The following ITGA6 variants were observed in gnomAD, a reference collection of about 807,000 sequenced individuals.
ITGA6 encodes integrin subunit alpha 6, also known as integrin alpha-6.
Under a neutral mutation model 133.6 loss-of-function variants are expected in ITGA6, and 63 were observed. The observed-to-expected ratio is 0.47, with a 90% CI of 0.38 to 0.58. The LOEUF (loss-of-function observed/expected upper bound fraction) is 0.58, where lower values mean the gene tolerates loss of function less well. Ranked by LOEUF, ITGA6 falls within the 20% of genes least tolerant of loss-of-function variation. The pLI, the probability that ITGA6 is intolerant of heterozygous loss-of-function variation, is 0.00. For synonymous variants in ITGA6, 434 were observed against 482.0 expected (o/e 0.90, Z 1.30); for missense variants, 1,068 against 1,309.4 (o/e 0.82, Z 2.85).
chr2:172,462,299 C>A (rs1009643641), intron 1 of ITGA6, among the ~76,000 whole-genome samples: 3 of 152,174 alleles, frequency 2.0e-5, no homozygotes, highest in Non-Finnish European at 4.4e-5. Context: ...ACTCCTGCTT[C>A]CTCCATCCCC....
Position 172,498,135 on chromosome 2 carries a change from A to G in ITGA6, c.3114+35A>G, listed in dbSNP as rs763774624. The stretch of plus-strand genomic sequence containing the variant: ...ATCTGGCATTTGAATTTCATAACAA[A>G]CTTTATTTCATGTTTTAAAAAATGG... On this transcript the variant is annotated intron_variant, in intron 24 of 25. Coordinates refer to ENST00000684293, the MANE Select transcript of ITGA6 (RefSeq NM_000210.4). The G allele has an allele frequency of 2.5e-6, 4 of 1,595,626 alleles. No individual in the cohort carries two copies. The African/African-American group carries it at 4.0e-5, about 16-fold the overall frequency.
chr2:172,479,154 C>T (rs1051229051), intron 9 of ITGA6, among the ~76,000 whole-genome samples: 39 of 152,042 alleles, frequency 2.6e-4, no homozygotes, highest in African/African-American at 8.7e-4. Context: ...TACAGTGTAA[C>T]GCCATCAGGT....
intron 24 of ITGA6, among the ~76,000 whole-genome samples, chr2:172,498,303 A>G (rs1687213251): frequency 6.6e-6 from 1 of 152,222 alleles, no homozygotes; most frequent in Admixed American, 6.5e-5. Context: ...AAAGTATATT[A>G]TTTGTACACA....
chr2:172,443,585 A>T (rs974071537), intron 1 of ITGA6, among the ~76,000 whole-genome samples: 20 of 152,184 alleles, frequency 1.3e-4, no homozygotes, highest in Non-Finnish European at 2.2e-4. Flanking sequence ...AGTCTTTTCA[A>T]CAATCGAGTT....
In ITGA6 at chr2:172,460,127, A is replaced by G. The variant is rs546657820; in HGVS notation, c.183-5412A>G. ...TCTTTTGAGGCTGAGGGCTTCTGATACTGCTCCCAGACAGAAAAAGGAAAA... is the reference window on the plus strand; with the variant it reads ...TCTTTTGAGGCTGAGGGCTTCTGATGCTGCTCCCAGACAGAAAAAGGAAAA... On this transcript the variant is annotated intron_variant, in intron 1 of 25. Transcript: ENST00000684293. 1.6e-4 allele frequency among the ~76,000 whole-genome samples: 24 copies of G among 152,378 alleles called. No individual in the cohort carries two copies. In the South Asian group the frequency reaches 4.6e-3, roughly 29 times the overall value.
intron 1 of ITGA6, among the ~76,000 whole-genome samples, chr2:172,457,767 C>A (rs1365273226): frequency 3.3e-5 from 5 of 152,072 alleles, no homozygotes; most frequent in Non-Finnish European, 7.4e-5. Flanking sequence ...GGGGGGGAAG[C>A]TAGGCTGGGA....
At position 172,427,826 on chromosome 2, in the gene ITGA6, C is replaced by T. The variant is rs564206622; in HGVS notation, c.38C>T (p.Ser13Leu). 2.5e-6 allele frequency: 4 copies of T among 1,603,238 alleles called. No individual in the cohort carries two copies. The highest frequency in any genetic ancestry group is 1.1e-5 in the South Asian group (1 of 89,648). Reference protein sequence around the residue: ...AAGQLCLLYLSAGLLSRLGAA... With the variant: ...AAGQLCLLYLLAGLLSRLGAA... ...GGGCAGCTGTGCTTGCTCTACCTGT[C>T]GGCGGGGCTCCTGTCCCGGCTCGGC... The change falls in exon 1 of 26, where the codon TCG (serine) becomes TTG (leucine). Residue 13 changes from serine to leucine, a missense_variant. Ser to Leu is a moderately radical substitution (Grantham distance 145). Coordinates refer to ENST00000684293, the MANE Select transcript of ITGA6 (RefSeq NM_000210.4).
At chr2:172,428,065 A>T in intron 1 of ITGA6, 95 bp downstream of exon 1, 1 of 1,350,886 alleles carries the variant, frequency 7.4e-7, no homozygotes. Context: ...CCCGGGGAGT[A>T]GTTGGCCCGT....
In ITGA6 at chr2:172,461,334, C is replaced by T. The variant is rs551854110; in HGVS notation, c.183-4205C>T. Among the ~76,000 whole-genome samples, 10 of 152,236 alleles carry T rather than the reference C, an allele frequency of 6.6e-5. No homozygotes were observed. The South Asian group carries it at 1.5e-3, about 22-fold the overall frequency. ...TGAAATCCCAAGGCAGTTTTTATTT[C>T]GGTGCAGCTTTAAAATTCAGTGGAG... is the stretch of plus-strand genomic sequence containing the variant. On this transcript the variant is annotated intron_variant, in intron 1 of 25. Coordinates refer to ENST00000684293, the MANE Select transcript of ITGA6 (RefSeq NM_000210.4).
At chr2:172,470,252 C>G (rs75831031) in intron 4 of ITGA6, among the ~76,000 whole-genome samples, 3,578 of 152,148 alleles carry the variant, frequency 0.024, 145 homozygotes, top group African/African-American at 0.081. Context: ...TCCCTTTGCC[C>G]CCACCTCCAC....
chr2:172,489,348 A>G, intron 19 of ITGA6, 137 bp from the exon 20 acceptor site: 1 of 703,508 alleles, frequency 1.4e-6, no homozygotes, highest in Non-Finnish European at 2.5e-6. Flanking sequence ...CCCTATCTAT[A>G]GTCCATTTTT....
intron 1 of ITGA6, among the ~76,000 whole-genome samples, chr2:172,435,633 TTTTTTTTG>T (rs1393494421): frequency 1.4e-5 from 2 of 137,972 alleles, no homozygotes; most frequent in African/African-American, 2.7e-5. Flanking sequence ...TTTTTTTTTT[TTTTTTTTG>T]TTGAGACAGA....
chr2:172,470,864 A>G lies in ITGA6; in HGVS notation c.644-110A>G, dbSNP rs992774895. 3 of 1,109,868 alleles carry G rather than the reference A, an allele frequency of 2.7e-6. No individual in the cohort carries two copies. The African/African-American group carries it at 4.7e-5, about 17-fold the overall frequency. 68.8% of individuals were successfully genotyped at this position (1,109,868 alleles called of 1,614,324 possible). A position where few individuals can be genotyped will look rare whatever the true frequency, so the allele number is the denominator to read the frequency against. ...TCTGTCCTTCCTTTTTTTCCTCCAA[A>G]TTTTTTTTCCTGTAACTAGTGATAG... On this transcript the variant is annotated intron_variant, in intron 4 of 25. Coordinates refer to ENST00000684293, the MANE Select transcript of ITGA6 (RefSeq NM_000210.4).
intron 6 of ITGA6, 28 bp from the exon 7 acceptor site, chr2:172,474,901 C>A: frequency 8.5e-7 from 1 of 1,178,782 alleles, no homozygotes; most frequent in Non-Finnish European, 1.3e-6. Context: ...TGTTGGTTCA[C>A]GGCTCTTTCC....
intron 1 of ITGA6, among the ~76,000 whole-genome samples, chr2:172,458,957 AC>A (rs1685320757): frequency 6.6e-6 from 1 of 152,186 alleles, no homozygotes; most frequent in African/African-American, 2.4e-5. Context: ...CAGTATAAAT[AC>A]CAGAAAATAC....
intron 5 of ITGA6, among the ~76,000 whole-genome samples, chr2:172,473,788 A>T (rs1043027974): frequency 6.6e-6 from 1 of 152,230 alleles, no homozygotes; most frequent in South Asian, 2.1e-4. Context: ...AAGATGTATG[A>T]ATACTTCAAA....
intron 1 of ITGA6, among the ~76,000 whole-genome samples, chr2:172,442,716 C>T (rs577873611): frequency 9.9e-5 from 15 of 152,248 alleles, no homozygotes; most frequent in South Asian, 4.2e-4. Flanking sequence ...ACAGTAGGTA[C>T]GTGTTTGTGA....
chr2:172,477,294 T>C (rs895105856), intron 9 of ITGA6, among the ~76,000 whole-genome samples: 3 of 152,222 alleles, frequency 2.0e-5, no homozygotes, highest in African/African-American at 7.2e-5. Flanking sequence ...TGTTTGAGTC[T>C]CCCTTTAACC....
In ITGA6 at chr2:172,427,642, G is replaced by A; in HGVS notation, c.-147G>A. On this transcript the variant is annotated 5_prime_UTR_variant, in exon 1 of 26. Transcript: ENST00000684293. The stretch of plus-strand genomic sequence containing the variant: ...GCGAGGGGGAGCGGCCGGACGGAGA[G>A]CGCGACCCGTCCCGGGGGTGGGGCC... 1 of 1,298,928 alleles carries A rather than the reference G, an allele frequency of 7.7e-7. No individual in the cohort carries two copies. Among genetic ancestry groups the A allele is most frequent in the Non-Finnish European group, 9.7e-7 (1 of 1,026,656 alleles). The allele number at this position is 1,298,928 out of a possible 1,614,324, so 80.5% of individuals were successfully genotyped here. A position where few individuals can be genotyped will look rare whatever the true frequency, so the allele number is the denominator to read the frequency against.
Sources: gnomAD v4.1 joint callset for allele counts (sites outside exome capture counted in the v4.1 genomes callset) on GRCh38, gnomAD v4.1.1 for gene constraint, MANE v1.5 for transcripts, NCBI Gene and HGNC (gene_info 2026-07-23, HGNC 2026-07-21) for gene names.